The following MYH9 variants were observed in gnomAD, a reference collection of about 807,000 sequenced individuals.
MYH9 encodes the protein myosin heavy chain 9.
Under a neutral mutation model 241.9 loss-of-function variants are expected in MYH9, and 29 were observed. The ratio of observed to expected loss-of-function variants is 0.12; its 90% CI spans 0.09 to 0.16. The LOEUF (loss-of-function observed/expected upper bound fraction) is 0.16, where lower values mean the gene tolerates loss of function less well. Ranked by LOEUF, MYH9 falls within the 10% of genes least tolerant of loss-of-function variation. MYH9 has a pLI of 1.00. For synonymous variants in MYH9, 1,047 were observed against 1,062.6 expected (o/e 0.99, Z 0.29); for missense variants, 1,803 against 2,595.5 (o/e 0.69, Z 6.63).
intron 24 of MYH9, among the ~76,000 whole-genome samples, chr22:36,298,638 A>G (rs1039366199): frequency 6.6e-6 from 1 of 152,176 alleles, no homozygotes; most frequent in Non-Finnish European, 1.5e-5. Context: ...ACGGCACACA[A>G]CAGAGCAATG....
intron 1 of MYH9, among the ~76,000 whole-genome samples, chr22:36,354,046 G>A (rs559521697): frequency 3.3e-5 from 5 of 152,048 alleles, no homozygotes; most frequent in South Asian, 2.1e-4. Flanking sequence ...CACTACAGGC[G>A]TGTGCCACCA....
rs5995276 is a variant in MYH9, at chr22:36,284,806, T to C, written c.5484-295A>G. On this transcript the variant is annotated intron_variant, in intron 38 of 40. Transcript: ENST00000216181. ...GTAAACCCCATTCCCTCCAAGGAAG[T>C]CTCAGTCCTGCTGAGCCCATAGGAC... Among the ~76,000 whole-genome samples, 1,472 of 152,222 alleles carry C rather than the reference T, an allele frequency of 9.7e-3. 26 individuals are homozygous for C. The highest frequency in any genetic ancestry group is 0.034 in the African/African-American group (1,404 of 41,544).
In MYH9 at chr22:36,295,751, G is replaced by C. The variant is rs769581726; in HGVS notation, c.3273-34C>G. ...GCGACCAGCAACATCAGTATAAGGA[G>C]AGTTTCACCTCCAAGGAGCAGAGTT... On this transcript the variant is annotated intron_variant, in intron 25 of 40. Transcript: ENST00000216181. This position sits in a 1 kb window ranked among gnomAD's most constrained non-coding sequence, Gnocchi z 4.1. 5 of 1,589,458 alleles carry C rather than the reference G, an allele frequency of 3.1e-6. No individual in the cohort carries two copies. The East Asian group carries it at 1.1e-4, about 36-fold the overall frequency.
rs2016970148 is a variant in MYH9, at chr22:36,306,382, C to T, written c.2037+32G>A. On this transcript the variant is annotated intron_variant, in intron 16 of 40. Transcript: ENST00000216181. This position sits in a 1 kb window ranked among gnomAD's most constrained non-coding sequence, Gnocchi z 4.1. ...GGCTGAGCACCCCACACCACAGTGC[C>T]CTGCCCGGGCCACCCCACCAGGCAG... 6.2e-7 allele frequency: 1 copy of T among 1,613,092 alleles called. No individual in the cohort carries two copies. The highest frequency in any genetic ancestry group is 8.5e-7 in the Non-Finnish European group (1 of 1,179,614).
In MYH9 at chr22:36,300,353, G is replaced by A. The variant is rs1164448196; in HGVS notation, c.2839-89C>T. The A allele has an allele frequency of 3.8e-6, 6 of 1,574,352 alleles. No homozygotes were observed. Among genetic ancestry groups the A allele is most frequent in the African/African-American group, 2.7e-5 (2 of 74,318 alleles). On this transcript the variant is annotated intron_variant, in intron 22 of 40. Coordinates refer to ENST00000216181, the MANE Select transcript of MYH9 (RefSeq NM_002473.6). This position sits in a 1 kb window ranked among gnomAD's most constrained non-coding sequence, Gnocchi z 5.0. ...CAAGGTCCGAAGGCCAGATCCAAAC[G>A]CCAAGGAGAAAATAGCAAGGTCTGT...
At chr22:36,346,169 G>A (rs201066044) in intron 2 of MYH9, among the ~76,000 whole-genome samples, 14 of 138,896 alleles carry the variant, frequency 1.0e-4, no homozygotes, top group African/African-American at 3.6e-4. Context: ...AAAAAAAAAA[G>A]AAGGCTGGGT....
In MYH9 at chr22:36,349,122, T is replaced by C. The variant is rs2017727253; in HGVS notation, c.115A>G (p.Ser39Gly). 1 of 1,614,168 alleles carries C rather than the reference T, an allele frequency of 6.2e-7. No individual in the cohort carries two copies. Among genetic ancestry groups the C allele is most frequent in the East Asian group, 2.2e-5 (1 of 44,872 alleles). The change falls in exon 2 of 41, where the codon AGT becomes GGT. Residue 39 changes from serine (S) to glycine (G), a missense_variant. Physicochemically the swap from Ser to Gly is moderately conservative, Grantham distance 56. Transcript: ENST00000216181. ...TTGAGGCTGGCTGGCTCAAAGCCAC[T>C]CTTGTCGGAAGGCACCCATACCAGC... ...KKLVWVPSDK[S>G]GFEPASLKEE...
chr22:36,308,740 A>G (rs2017011958), intron 15 of MYH9: 1 of 888,290 alleles, frequency 1.1e-6, no homozygotes, highest in African/African-American at 1.8e-5. Context: ...AAACCTAGGC[A>G]GAAGCATTTC....
chr22:36,351,442 C>T (rs917100788), intron 1 of MYH9, among the ~76,000 whole-genome samples: 3 of 152,170 alleles, frequency 2.0e-5, no homozygotes, highest in East Asian at 1.9e-4. Context: ...GTCTTTGCTG[C>T]GGGTCTGAGG....
rs2017231925 is a variant in MYH9, at chr22:36,320,416, TC to T, written c.869-54del. ...TCAGCGAGGTGCTGAAAGTGGAGGC[TC>T]CATCAGCGCTGTGACCTCAAAGGTT... On this transcript the variant is annotated intron_variant, in intron 8 of 40. Transcript: ENST00000216181. The surrounding 1 kb of genome is among the most constrained non-coding windows in gnomAD (Gnocchi z 4.8). The T allele has an allele frequency of 1.2e-6, 2 of 1,602,976 alleles. No individual in the cohort carries two copies. Among genetic ancestry groups the T allele is most frequent in the African/African-American group, 2.7e-5 (2 of 74,830 alleles).
chr22:36,374,111 G>A (rs542093785), intron 1 of MYH9, among the ~76,000 whole-genome samples: 4 of 151,788 alleles, frequency 2.6e-5, no homozygotes, highest in South Asian at 4.2e-4. Flanking sequence ...GGCTGGGCGC[G>A]GTGGCTCACA....
At chr22:36,355,711 A>C (rs2017844645) in intron 1 of MYH9, among the ~76,000 whole-genome samples, 1 of 152,176 alleles carries the variant, frequency 6.6e-6, no homozygotes, top group African/African-American at 2.4e-5. Flanking sequence ...GGTGGGGGAA[A>C]TGGGGCTCAG....
intron 6 of MYH9, 67 bp downstream of exon 6, chr22:36,322,362 C>A: frequency 3.9e-6 from 6 of 1,539,992 alleles, no homozygotes; most frequent in Non-Finnish European, 1.8e-6. Context: ...CAGGAAAAGG[C>A]AGCATGAGCC....
At chr22:36,283,593 T>C (rs9622371) in intron 40 of MYH9, among the ~76,000 whole-genome samples, 59,921 of 144,922 alleles carry the variant, frequency 0.41, 13,121 homozygotes, top group Non-Finnish European at 0.5. Context: ...GAAAAAAACA[T>C]GTAAGAAATG....
rs192288139 is a variant in MYH9, at chr22:36,355,778, C to T, written c.-19-6523G>A. On this transcript the variant is annotated intron_variant, in intron 1 of 40. Transcript: ENST00000216181. ...CCCGTGTGGCTTCAATGCCCTGCTCCGTTTCCCCCTTAGCTGCCTTACTGG... is the reference window on the plus strand; with the variant it reads ...CCCGTGTGGCTTCAATGCCCTGCTCTGTTTCCCCCTTAGCTGCCTTACTGG... Among the ~76,000 whole-genome samples, 398 of 152,318 alleles carry T rather than the reference C, an allele frequency of 2.6e-3. 4 individuals carry two copies. The highest frequency in any genetic ancestry group is 3.6e-3 in the Non-Finnish European group (247 of 68,012).
At chr22:36,326,059 T>C (rs1366851043) in intron 5 of MYH9, among the ~76,000 whole-genome samples, 1 of 151,698 alleles carries the variant, frequency 6.6e-6, no homozygotes, top group Non-Finnish European at 1.5e-5. Context: ...CCATAATCCA[T>C]CAAAAGGGAG....
chr22:36,290,742 G>A (rs1001160224), intron 31 of MYH9, among the ~76,000 whole-genome samples: 2 of 151,464 alleles, frequency 1.3e-5, no homozygotes, highest in Non-Finnish European at 2.9e-5. Flanking sequence ...AGGAAGTGAG[G>A]AGCGTCTCTG....
Position 36,316,497 on chromosome 22 carries a change from T to G in MYH9, c.1380+20A>C. 1 of 1,613,596 alleles carries G rather than the reference T, an allele frequency of 6.2e-7. No individual in the cohort carries two copies. The highest frequency in any genetic ancestry group is 8.5e-7 in the Non-Finnish European group (1 of 1,179,956). ...CAGGCCAAGGAGGCAGCAGGGTGGG[T>G]AATGAAGGGCAAGGCTCACATCAAA... On this transcript the variant is annotated intron_variant, in intron 12 of 40. Coordinates refer to ENST00000216181, the MANE Select transcript of MYH9 (RefSeq NM_002473.6).
intron 38 of MYH9, among the ~76,000 whole-genome samples, chr22:36,284,825 A>G (rs2146327551): frequency 6.6e-6 from 1 of 152,276 alleles, no homozygotes; most frequent in Non-Finnish European, 1.5e-5. Flanking sequence ...TGCTGAGCCC[A>G]TAGGACAACT....
Sources: allele counts gnomAD v4.1 joint callset (sites outside exome capture counted in the v4.1 genomes callset), GRCh38; gene constraint gnomAD v4.1.1; non-coding constraint Gnocchi (gnomAD v3.1); transcripts MANE v1.5; gene names NCBI Gene and HGNC (gene_info 2026-07-23, HGNC 2026-07-21).